RBFOX1: variants seen among roughly 807,000 people sequenced by gnomAD.
RBFOX1 encodes RNA binding fox-1 homolog 1.
A neutral mutation model predicts 57.7 loss-of-function variants in RBFOX1; 8 were observed. The ratio of observed to expected loss-of-function variants is 0.14; its 90% CI spans 0.08 to 0.25. The LOEUF is 0.25. Among genes scored for constraint, RBFOX1 ranks in the 10% least tolerant of loss-of-function variants. The pLI is 1.00. For synonymous variants in RBFOX1, 326 were observed against 222.4 expected, an observed-to-expected ratio of 1.47 and a Z score of -4.15; for missense variants, 611 against 548.5, an observed-to-expected ratio of 1.11 and a Z score of -1.14.
intron 4 of RBFOX1, among the ~76,000 whole-genome samples, chr16:7,061,442 T>A (rs190106031): frequency 3.3e-5 from 5 of 152,204 alleles, no homozygotes; most frequent in Non-Finnish European, 7.3e-5. Flanking sequence ...TTGTGAAATA[T>A]GATTAAATAA....
chr16:6,737,285 T>C (rs749127139), intron 3 of RBFOX1, among the ~76,000 whole-genome samples: 6 of 152,232 alleles, frequency 3.9e-5, no homozygotes, highest in Non-Finnish European at 5.9e-5. Context: ...AGTTCACTTG[T>C]GATTATCCCT....
intron 3 of RBFOX1, among the ~76,000 whole-genome samples, chr16:6,956,760 G>A (rs141267371): frequency 7.5e-4 from 115 of 152,324 alleles, no homozygotes; most frequent in African/African-American, 2.7e-3. Flanking sequence ...GTTTGACCAG[G>A]CACAGATGGG....
At chr16:5,459,679 T>C (rs530018985) in intron 1 of RBFOX1, among the ~76,000 whole-genome samples, 1 of 151,806 alleles carries the variant, frequency 6.6e-6, no homozygotes, top group Non-Finnish European at 1.5e-5. Context: ...AAATGAGAGG[T>C]CATGATCTTA....
chr16:6,499,057 A>G (rs1216692458), intron 2 of RBFOX1, among the ~76,000 whole-genome samples: 2 of 152,238 alleles, frequency 1.3e-5, no homozygotes, highest in Non-Finnish European at 2.9e-5. Flanking sequence ...TTATGTCACC[A>G]GTTGGCTTCG....
At chr16:6,762,607 G>T (rs867905645) in intron 3 of RBFOX1, among the ~76,000 whole-genome samples, 1 of 152,052 alleles carries the variant, frequency 6.6e-6, no homozygotes, top group Non-Finnish European at 1.5e-5. Flanking sequence ...AGATATGAAA[G>T]GAACAGCAAA....
At position 7,391,071 on chromosome 16, in the gene RBFOX1, C is replaced by G. The variant is rs578091726; in HGVS notation, c.28-127076C>G. On this transcript the variant is annotated intron_variant, in intron 4 of 15. Coordinates refer to ENST00000550418, the MANE Select transcript of RBFOX1 (RefSeq NM_018723.4). ...TGTGCCTGTTCCTTCTGCTCCTAGTCCTTAAGAACATAGCTCTTATCCTTA... is the reference window on the plus strand; with the variant it reads ...TGTGCCTGTTCCTTCTGCTCCTAGTGCTTAAGAACATAGCTCTTATCCTTA... Among the ~76,000 whole-genome samples, 3 of 152,196 alleles carry G rather than the reference C, an allele frequency of 2.0e-5. No homozygotes were observed. The East Asian group carries it at 5.8e-4, about 29-fold the overall frequency.
At chr16:5,532,185 G>A (rs2044507865) in intron 2 of RBFOX1, among the ~76,000 whole-genome samples, 1 of 152,156 alleles carries the variant, frequency 6.6e-6, no homozygotes, top group African/African-American at 2.4e-5. Flanking sequence ...GGTCATGGTT[G>A]GGGTTGTCTT....
intron 4 of RBFOX1, among the ~76,000 whole-genome samples, chr16:5,994,463 T>C (rs1325160718): frequency 1.3e-5 from 2 of 152,088 alleles, no homozygotes; most frequent in African/African-American, 4.8e-5. Context: ...CTCCTGGGCA[T>C]TAGGTCTTGA....
At chr16:5,464,964 C>G (rs935797204) in intron 1 of RBFOX1, among the ~76,000 whole-genome samples, 3 of 152,172 alleles carry the variant, frequency 2.0e-5, no homozygotes, top group Non-Finnish European at 4.4e-5. Flanking sequence ...AGAGACCCAC[C>G]TGAGCTGACA....
chr16:5,920,857 G>T (rs2058805295), intron 4 of RBFOX1, among the ~76,000 whole-genome samples: 1 of 152,228 alleles, frequency 6.6e-6, no homozygotes, highest in Non-Finnish European at 1.5e-5. Context: ...TTATCACAAG[G>T]ATCTTAAAGG....
rs562451715 is a variant in RBFOX1 at position 5,686,350 on chromosome 16, G to T, written c.318+87389G>T. Among the ~76,000 whole-genome samples the T allele has an allele frequency of 3.8e-3, 586 of 152,296 alleles. 8 individuals carry two copies. The highest frequency in any genetic ancestry group is 0.011 in the South Asian group (53 of 4,828). ...AAATCATTGTGACAAAATATAATTT[G>T]TAGTTTTGGGTGGTTTGAATATTAG... is the stretch of plus-strand genomic sequence containing the variant. On this transcript the variant is annotated intron_variant, in intron 3 of 19. Coordinates refer to the RBFOX1 transcript ENST00000641259.
At chr16:7,661,522 G>A (rs1261328799) in intron 12 of RBFOX1, among the ~76,000 whole-genome samples, 1 of 152,158 alleles carries the variant, frequency 6.6e-6, no homozygotes. Flanking sequence ...TCTCGTCTCT[G>A]CTGCTGGCCC....
chr16:6,737,962 G>A (rs1301193425), intron 3 of RBFOX1, among the ~76,000 whole-genome samples: 2 of 151,932 alleles, frequency 1.3e-5, no homozygotes, highest in Admixed American at 6.6e-5. Flanking sequence ...CACAATGCTT[G>A]AGCCAGAGAA....
intron 4 of RBFOX1, chr16:7,304,156 G>T (rs1412301961): frequency 3.1e-6 from 3 of 965,112 alleles, no homozygotes; most frequent in African/African-American, 1.8e-5. Context: ...AGGAGGGACC[G>T]GCGGGGTGCG....
chr16:6,825,276 C>G (rs929950869), intron 3 of RBFOX1, among the ~76,000 whole-genome samples: 4 of 151,196 alleles, frequency 2.6e-5, no homozygotes, highest in African/African-American at 4.9e-5. Context: ...CCCTTCCCTA[C>G]TCTAGATGCC....
intron 4 of RBFOX1, among the ~76,000 whole-genome samples, chr16:7,163,062 C>G (rs1392564123): frequency 3.9e-5 from 6 of 152,194 alleles, no homozygotes; most frequent in African/African-American, 1.4e-4. Flanking sequence ...TTATGCCCAT[C>G]TTGTTTATCT....
chr16:6,901,768 T>C (rs1265625775), intron 3 of RBFOX1, among the ~76,000 whole-genome samples: 1 of 152,204 alleles, frequency 6.6e-6, no homozygotes, highest in Non-Finnish European at 1.5e-5. Flanking sequence ...AGATTAACAC[T>C]CATAGATGAG....
At chr16:7,630,349 G>A (rs1012892774) in intron 10 of RBFOX1, among the ~76,000 whole-genome samples, 4 of 151,746 alleles carry the variant, frequency 2.6e-5, no homozygotes, top group Non-Finnish European at 5.9e-5. Flanking sequence ...GGGCCCTGGG[G>A]CAACCAGAGT....
chr16:5,281,468 A>T lies in RBFOX1; in HGVS notation c.219+41363A>T, dbSNP rs527618232. Among the ~76,000 whole-genome samples the T allele has an allele frequency of 2.6e-5, 4 of 152,218 alleles. No homozygotes were observed. The South Asian group carries it at 8.3e-4, about 32-fold the overall frequency. ...TTGGTCTAAAGTGCAGCTTAAATCTAATGTTTCTTTGTTGATTTTATATCT... is the reference window on the plus strand; with the variant it reads ...TTGGTCTAAAGTGCAGCTTAAATCTTATGTTTCTTTGTTGATTTTATATCT... On this transcript the variant is annotated intron_variant, in intron 1 of 2. Transcript: ENST00000585867.
Sources: gnomAD v4.1 joint callset for allele counts (sites outside exome capture counted in the v4.1 genomes callset) on GRCh38, gnomAD v4.1.1 for gene constraint, MANE v1.5 for transcripts, NCBI Gene and HGNC (gene_info 2026-07-23, HGNC 2026-07-21) for gene names.